Variants in ANKH observed in about 807,000 individuals in gnomAD.
The protein encoded by ANKH is mineralization regulator ANKH.
A neutral mutation model predicts 49.0 loss-of-function variants in ANKH; 15 were observed. That is an observed-to-expected ratio of 0.31 (90% CI 0.20 to 0.47). The LOEUF is 0.47. Among genes scored for constraint, ANKH ranks in the 20% least tolerant of loss-of-function variants. ANKH has a pLI of 1.00. For missense variants in ANKH, 429 were observed against 652.0 expected, an observed-to-expected ratio of 0.66 and a Z score of 3.72; for synonymous variants, 273 against 260.0, an observed-to-expected ratio of 1.05 and a Z score of -0.48.
intron 8 of ANKH, among the ~76,000 whole-genome samples, chr5:14,740,474 ATTC>A (rs1385339150): frequency 6.6e-6 from 1 of 152,060 alleles, no homozygotes; most frequent in Non-Finnish European, 1.5e-5. Flanking sequence ...GCTATCAGCA[ATTC>A]TTCTGCAGTG....
Position 14,705,375 on chromosome 5 carries a change from C to T in ANKH, c.*5822G>A, listed in dbSNP as rs906597222. 32 of 152,038 alleles carry T rather than the reference C, an allele frequency of 2.1e-4. No individual in the cohort carries two copies. Among genetic ancestry groups the T allele is most frequent in the African/African-American group, 7.0e-4 (29 of 41,404 alleles). The allele number at this position is 152,038 out of a possible 1,614,324, so 9.4% of individuals were successfully genotyped here. A position where few individuals can be genotyped will look rare whatever the true frequency, so the allele number is the denominator to read the frequency against. ...TCTTCCATTGTAGGATCTCATACGA[C>T]GTTCTAAATCCTAGATCATAAACAG... is the stretch of plus-strand genomic sequence containing the variant. On this transcript the variant is annotated 3_prime_UTR_variant, in exon 12 of 12. Coordinates refer to ENST00000284268, the MANE Select transcript of ANKH (RefSeq NM_054027.6).
chr5:14,797,604 C>T lies in ANKH; in HGVS notation c.97-28413G>A, dbSNP rs185979446. The T allele has an allele frequency of 7.1e-5, 114 of 1,609,124 alleles. No individual in the cohort carries two copies. In the East Asian group the frequency reaches 1.3e-3, roughly 19 times the overall value. On this transcript the variant is annotated intron_variant, in intron 1 of 11. Transcript: ENST00000284268. The stretch of plus-strand genomic sequence containing the variant: ...AGCAGTGTGAGTGTCAACTGAGTGG[C>T]TTGGTTTGGAAGTATTGTTTGAACG...
intron 4 of ANKH, among the ~76,000 whole-genome samples, chr5:14,754,062 G>A (rs912744023): frequency 6.6e-6 from 1 of 152,204 alleles, no homozygotes; most frequent in African/African-American, 2.4e-5. Flanking sequence ...GCCAAATTGT[G>A]GCAGGAACTC....
intron 1 of ANKH, among the ~76,000 whole-genome samples, chr5:14,787,241 G>A (rs757191816): frequency 3.9e-5 from 6 of 152,020 alleles, no homozygotes; most frequent in Non-Finnish European, 7.4e-5. Context: ...TTGAACCTGG[G>A]AGGTGGAGGT....
At chr5:14,714,673 A>G (rs41396244) in intron 9 of ANKH, among the ~76,000 whole-genome samples, 2,517 of 152,310 alleles carry the variant, frequency 0.017, 71 homozygotes, top group African/African-American at 0.058. Flanking sequence ...AGACAGACCC[A>G]CTGAGGTTTT....
intron 2 of ANKH, chr5:14,768,521 T>C (rs1423747533): frequency 4.7e-6 from 1 of 212,048 alleles, no homozygotes; most frequent in African/African-American, 2.3e-5. Context: ...GTCTTGTCTT[T>C]GAATAAAATA....
intron 1 of ANKH, among the ~76,000 whole-genome samples, chr5:14,839,762 ATTT>A (rs778226912): frequency 6.6e-6 from 1 of 152,180 alleles, no homozygotes; most frequent in Non-Finnish European, 1.5e-5. Context: ...CAATATTCTA[ATTT>A]TGCACTGTAA....
chr5:14,807,236 T>A (rs1347390289), intron 1 of ANKH, among the ~76,000 whole-genome samples: 1 of 150,746 alleles, frequency 6.6e-6, no homozygotes, highest in Non-Finnish European at 1.5e-5. Context: ...TACCTCCGCC[T>A]CCCGAGTAGC....
At position 14,707,299 on chromosome 5, in the gene ANKH, A is replaced by G. The variant is rs1048363192; in HGVS notation, c.*3898T>C. The G allele has an allele frequency of 6.6e-6, 1 of 151,552 alleles. No homozygotes were observed. The highest frequency in any genetic ancestry group is 2.4e-5 in the African/African-American group (1 of 41,254). 9.4% of individuals were successfully genotyped at this position (151,552 alleles called of 1,614,324 possible). On this transcript the variant is annotated 3_prime_UTR_variant, in exon 12 of 12. Coordinates refer to ENST00000284268, the MANE Select transcript of ANKH (RefSeq NM_054027.6). ...CTCGCACTTCAGTTTGAAGGGGGAA[A>G]AAAAAAAACCAGTCAGCTACTGAGT...
chr5:14,714,198 G>A (rs543927621), intron 9 of ANKH, among the ~76,000 whole-genome samples: 3 of 152,312 alleles, frequency 2.0e-5, no homozygotes, highest in African/African-American at 4.8e-5. Context: ...CACTTCCACC[G>A]AGGTCACTTC....
Position 14,713,414 on chromosome 5 carries a change from A to G in ANKH, c.1265+130T>C. 7.3e-7 allele frequency: 1 copy of G among 1,377,774 alleles called. No homozygotes were observed. Among genetic ancestry groups the G allele is most frequent in the Non-Finnish European group, 1.0e-6 (1 of 991,746 alleles). 85.3% of individuals were successfully genotyped at this position (1,377,774 alleles called of 1,614,324 possible). On this transcript the variant is annotated intron_variant, in intron 10 of 11. Coordinates refer to ENST00000284268, the MANE Select transcript of ANKH (RefSeq NM_054027.6). This position sits in a 1 kb window ranked among gnomAD's most constrained non-coding sequence, Gnocchi z 4.4. The stretch of plus-strand genomic sequence containing the variant: ...CCACCTGGTGCCTGGGCAGACACAC[A>G]AAACATCATTCTGAATTTCCGATTC...
intron 3 of ANKH, 123 bp from the exon 4 acceptor site, chr5:14,756,067 G>A (rs1474207807): frequency 2.4e-6 from 2 of 819,624 alleles, no homozygotes; most frequent in African/African-American, 1.7e-5. Flanking sequence ...TAGCAGCCCA[G>A]GTCTGATAAA....
intron 1 of ANKH, among the ~76,000 whole-genome samples, chr5:14,785,744 ATGTTTATTAT>A (rs1354701587): frequency 6.6e-6 from 1 of 152,212 alleles, no homozygotes; most frequent in Non-Finnish European, 1.5e-5. Flanking sequence ...TCCTTAGTAT[ATGTTTATTAT>A]TTAAAAGTAA....
At chr5:14,719,268 C>G (rs759838617) in intron 8 of ANKH, among the ~76,000 whole-genome samples, 5 of 152,216 alleles carry the variant, frequency 3.3e-5, no homozygotes, top group African/African-American at 1.2e-4. Context: ...AACTATCACT[C>G]AAGTGTGTTT....
At chr5:14,808,777 G>C (rs1363541366) in intron 1 of ANKH, among the ~76,000 whole-genome samples, 1 of 138,214 alleles carries the variant, frequency 7.2e-6, no homozygotes, top group African/African-American at 2.8e-5. Context: ...TCAGTGTGGC[G>C]ATTCCTCAGG....
intron 1 of ANKH, chr5:14,870,779 GAAA>G (rs1735791068): frequency 7.0e-6 from 1 of 142,052 alleles, no homozygotes; most frequent in African/African-American, 2.8e-5. Context: ...AAGAAAGAAA[GAAA>G]GAAAGAAAAA....
chr5:14,746,937 C>T (rs543541628), intron 6 of ANKH, among the ~76,000 whole-genome samples: 1 of 152,350 alleles, frequency 6.6e-6, no homozygotes, highest in African/African-American at 2.4e-5. Flanking sequence ...GATTTCAACC[C>T]AGGTCCACCT....
At chr5:14,719,620 AGAT>A (rs758632457) in intron 8 of ANKH, among the ~76,000 whole-genome samples, 41 of 152,398 alleles carry the variant, frequency 2.7e-4, no homozygotes, top group Non-Finnish European at 4.8e-4. Flanking sequence ...AGGCTAAGAA[AGAT>A]GATAATTGAC....
At chr5:14,831,340 CT>C (rs1741500669) in intron 1 of ANKH, among the ~76,000 whole-genome samples, 5 of 152,168 alleles carry the variant, frequency 3.3e-5, no homozygotes, top group Admixed American at 2.6e-4. Context: ...AAAGATGCCC[CT>C]ATTTGGCATT....
Sources: allele counts gnomAD v4.1 joint callset (sites outside exome capture counted in the v4.1 genomes callset), GRCh38; gene constraint gnomAD v4.1.1; non-coding constraint Gnocchi (gnomAD v3.1); transcripts MANE v1.5; gene names NCBI Gene and HGNC (gene_info 2026-07-23, HGNC 2026-07-21).